The following AMMECR1L variants were observed in gnomAD, a reference collection of about 807,000 sequenced individuals.
AMMECR1L encodes AMMECR1-like protein.
AMMECR1L carries 4 observed loss-of-function variants against 36.8 expected under a neutral mutation model. That is an observed-to-expected ratio of 0.11 (90% CI 0.05 to 0.25). The LOEUF is 0.25. Ranked by LOEUF, AMMECR1L falls within the 10% of genes least tolerant of loss-of-function variation. The pLI is 1.00. For missense variants in AMMECR1L, 232 were observed against 392.1 expected (o/e 0.59, Z 3.45); for synonymous variants, 147 against 148.0 (o/e 0.99, Z 0.05).
chr2:127,885,773 G>A (rs1691751840), intron 1 of AMMECR1L, 37 bp downstream of exon 1: 1 of 984,256 alleles, frequency 1.0e-6, no homozygotes, highest in African/African-American at 1.8e-5. Context: ...TGGCCCGGCA[G>A]CGGGGAGAAG....
intron 6 of AMMECR1L, chr2:127,867,301 A>T: frequency 5.1e-6 from 5 of 985,476 alleles, no homozygotes; most frequent in Non-Finnish European, 6.0e-6. Flanking sequence ...CATGGTTCCA[A>T]CTTAGACCAG....
At chr2:127,872,287 C>T (rs1246235412) in intron 3 of AMMECR1L, among the ~76,000 whole-genome samples, 1 of 152,014 alleles carries the variant, frequency 6.6e-6, no homozygotes, top group Non-Finnish European at 1.5e-5. Context: ...ATCCTCCCAC[C>T]TCAGCCTCCC....
chr2:127,866,414 C>G (rs1392700025), intron 7 of AMMECR1L, among the ~76,000 whole-genome samples: 2 of 152,248 alleles, frequency 1.3e-5, no homozygotes, highest in African/African-American at 4.8e-5. Flanking sequence ...GATTCCAACT[C>G]CAAGTCCATC....
intron 2 of AMMECR1L, among the ~76,000 whole-genome samples, chr2:127,877,020 A>T (rs1691274069): frequency 6.9e-6 from 1 of 144,932 alleles, no homozygotes. Flanking sequence ...TCTGTCTCCA[A>T]ATATATATAT....
chr2:127,869,451 C>T lies in AMMECR1L; in HGVS notation c.724+3G>A. 6.2e-7 allele frequency: 1 copy of T among 1,609,278 alleles called. No individual in the cohort carries two copies. Among genetic ancestry groups the T allele is most frequent in the Non-Finnish European group, 8.5e-7 (1 of 1,175,574 alleles). On this transcript the variant is annotated splice_donor_region_variant and intron_variant, in intron 6 of 7. Coordinates refer to ENST00000272647, the MANE Select transcript of AMMECR1L (RefSeq NM_001199140.2). This position sits in a 1 kb window ranked among gnomAD's most constrained non-coding sequence, Gnocchi z 4.7. ...TCATTAAAATCCCATTCATCCAACT[C>T]ACCTTGTTCCTTAGCAACCTCAGGT...
rs74890756 is a variant in AMMECR1L at position 127,863,185 on chromosome 2, G to C, written c.*1909C>G. On this transcript the variant is annotated 3_prime_UTR_variant, in exon 8 of 8. Transcript: ENST00000272647. ...GTCCAGAGCTGACCACCCTGACATCGATCCATGGCACCTAAGAGTAACCGT... is the reference window on the plus strand; with the variant it reads ...GTCCAGAGCTGACCACCCTGACATCCATCCATGGCACCTAAGAGTAACCGT... The C allele has an allele frequency of 6.6e-6, 1 of 152,116 alleles. No individual in the cohort carries two copies. Among genetic ancestry groups the C allele is most frequent in the African/African-American group, 2.4e-5 (1 of 41,380 alleles). The allele number at this position is 152,116 out of a possible 1,614,324, so 9.4% of individuals were successfully genotyped here. A position where few individuals can be genotyped will look rare whatever the true frequency, so the allele number is the denominator to read the frequency against.
At chr2:127,868,842 A>G (rs545364023) in intron 6 of AMMECR1L, among the ~76,000 whole-genome samples, 2 of 151,944 alleles carry the variant, frequency 1.3e-5, no homozygotes, top group African/African-American at 4.8e-5. Flanking sequence ...CTCCTGCCTC[A>G]GCCTCCTGAG....
intron 2 of AMMECR1L, among the ~76,000 whole-genome samples, chr2:127,879,358 C>T (rs1254862266): frequency 6.6e-6 from 1 of 152,224 alleles, no homozygotes; most frequent in African/African-American, 2.4e-5. Flanking sequence ...AAGTGTGTGG[C>T]ACCTCCTCCC....
Position 127,875,682 on chromosome 2 carries a change from G to A in AMMECR1L, c.-38-1410C>T, listed in dbSNP as rs1295236796. On this transcript the variant is annotated intron_variant, in intron 2 of 7. Coordinates refer to ENST00000272647, the MANE Select transcript of AMMECR1L (RefSeq NM_001199140.2). ...CAAAATACACATCAAGGGCATTTCC[G>A]ATTGAGATCAAAGCTCTCTGTGGCC... is the stretch of plus-strand genomic sequence containing the variant. 3.9e-5 allele frequency among the ~76,000 whole-genome samples: 6 copies of A among 152,198 alleles called. No homozygotes were observed. In the East Asian group the frequency reaches 1.2e-3, roughly 29 times the overall value.
Position 127,881,544 on chromosome 2 carries a change from C to T in AMMECR1L, c.-39+2659G>A, listed in dbSNP as rs182475902. ...AGTCTGACTTGCCACGTACCAGCTA[C>T]GCAACTCAGGCAAGTTTTCACATCT... is the stretch of plus-strand genomic sequence containing the variant. On this transcript the variant is annotated intron_variant, in intron 2 of 7. Coordinates refer to ENST00000272647, the MANE Select transcript of AMMECR1L (RefSeq NM_001199140.2). 4.3e-4 allele frequency among the ~76,000 whole-genome samples: 66 copies of T among 152,258 alleles called. 1 individual carries two copies. Among genetic ancestry groups the T allele is most frequent in the African/African-American group, 9.4e-4 (39 of 41,570 alleles).
intron 1 of AMMECR1L, chr2:127,885,581 T>C: frequency 1.0e-6 from 1 of 968,936 alleles, no homozygotes; most frequent in Non-Finnish European, 1.2e-6. Context: ...TCCCCGGCAG[T>C]GCCTCCCGAC....
intron 2 of AMMECR1L, among the ~76,000 whole-genome samples, chr2:127,876,775 T>C (rs1691261418): frequency 6.6e-6 from 1 of 152,152 alleles, no homozygotes; most frequent in African/African-American, 2.4e-5. Flanking sequence ...CCCAGTACTT[T>C]GGGAGGCCGA....
intron 2 of AMMECR1L, among the ~76,000 whole-genome samples, chr2:127,878,155 G>A (rs948180419): frequency 6.6e-6 from 1 of 152,140 alleles, no homozygotes; most frequent in Non-Finnish European, 1.5e-5. Context: ...ATGGAGCCAG[G>A]AAAACAATAT....
chr2:127,881,795 G>T (rs762872675), intron 2 of AMMECR1L, among the ~76,000 whole-genome samples: 3 of 152,172 alleles, frequency 2.0e-5, no homozygotes, highest in Non-Finnish European at 4.4e-5. Context: ...ATTCCATTAA[G>T]AATGACCTTG....
Position 127,862,789 on chromosome 2 carries a change from A to AT in AMMECR1L, c.*2304dup, listed in dbSNP as rs3839065. The AT allele has an allele frequency of 0.26, 39,921 of 151,524 alleles. 5,752 individuals are homozygous for AT. The highest frequency in any genetic ancestry group is 0.48 in the South Asian group (2,298 of 4,800). 9.4% of individuals were successfully genotyped at this position (151,524 alleles called of 1,614,324 possible). A position where few individuals can be genotyped will look rare whatever the true frequency, so the allele number is the denominator to read the frequency against. ...TAACCAGCCCAATTCTTGTGCACTGATTTTTTTTTCCCCATTTCTCGGGTT... is the reference window on the plus strand; with the variant it reads ...TAACCAGCCCAATTCTTGTGCACTGATTTTTTTTTTCCCCATTTCTCGGGTT... On this transcript the variant is annotated 3_prime_UTR_variant, in exon 8 of 8. Coordinates refer to ENST00000272647, the MANE Select transcript of AMMECR1L (RefSeq NM_001199140.2).
Position 127,862,778 on chromosome 2 carries a change from C to T in AMMECR1L, c.*2316G>A, listed in dbSNP as rs1449407865. 2.7e-5 allele frequency: 4 copies of T among 150,026 alleles called. No individual in the cohort carries two copies. Among genetic ancestry groups the T allele is most frequent in the Non-Finnish European group, 4.5e-5 (3 of 67,264 alleles). 9.3% of individuals were successfully genotyped at this position (150,026 alleles called of 1,614,324 possible). A position where few individuals can be genotyped will look rare whatever the true frequency, so the allele number is the denominator to read the frequency against. On this transcript the variant is annotated 3_prime_UTR_variant, in exon 8 of 8. Transcript: ENST00000272647. ...GGTGCTGGGCCTAACCAGCCCAATT[C>T]TTGTGCACTGATTTTTTTTTCCCCA...
rs1388758484 is a variant in AMMECR1L, at chr2:127,872,968, C to T, written c.407+860G>A. 3.5e-5 allele frequency: 34 copies of T among 972,332 alleles called. No homozygotes were observed. In the South Asian group the frequency reaches 1.4e-3, roughly 41 times the overall value. The allele number at this position is 972,332 out of a possible 1,614,324, so 60.2% of individuals were successfully genotyped here. ...AGAACAACTTCCCCTTAGCTCTGTG[C>T]GTGTGTGATTTGCCAACCTGACAGG... On this transcript the variant is annotated intron_variant, in intron 3 of 7. Coordinates refer to ENST00000272647, the MANE Select transcript of AMMECR1L (RefSeq NM_001199140.2).
At chr2:127,867,177 G>A (rs958312337) in intron 6 of AMMECR1L, 181 bp from the exon 7 acceptor site, 16 of 985,382 alleles carry the variant, frequency 1.6e-5, no homozygotes, top group African/African-American at 3.5e-5. Context: ...GTCCCGTGGA[G>A]ACTCTGAGAC....
Position 127,873,967 on chromosome 2 carries a change from G to A in AMMECR1L, c.268C>T (p.Pro90Ser), listed in dbSNP as rs374076567. 1.9e-6 allele frequency: 3 copies of A among 1,614,130 alleles called. No individual in the cohort carries two copies. The highest frequency in any genetic ancestry group is 1.7e-5 in the Admixed American group (1 of 60,010). Residue 90 changes from proline (P) to serine (S), a missense_variant, in exon 3 of 8, where the codon CCC (proline) becomes TCC (serine). By Grantham distance (74) the Pro-to-Ser change is moderately conservative. Transcript: ENST00000272647. This position sits in a 1 kb window ranked among gnomAD's most constrained non-coding sequence, Gnocchi z 5.2. ...NPASGALSPL[P>S]RPNGTANTTK... ...GTGTTGGCAGTTCCATTAGGCCGGGGAAGAGGGCTCAGCGCTCCCGATGCG... is the reference window on the plus strand; with the variant it reads ...GTGTTGGCAGTTCCATTAGGCCGGGAAAGAGGGCTCAGCGCTCCCGATGCG...
Sources: allele counts gnomAD v4.1 joint callset (sites outside exome capture counted in the v4.1 genomes callset), GRCh38; gene constraint gnomAD v4.1.1; non-coding constraint Gnocchi (gnomAD v3.1); transcripts MANE v1.5; gene names NCBI Gene and HGNC (gene_info 2026-07-23, HGNC 2026-07-21).